Variants in TP53AIP1 observed in about 807,000 individuals in gnomAD.
TP53AIP1 encodes tumor protein p53 regulated apoptosis inducing protein 1.
Under a neutral mutation model 9.5 loss-of-function variants are expected in TP53AIP1, and 14 were observed. The observed-to-expected ratio is 1.47, with a 90% CI of 0.97 to 2.30. TP53AIP1 has a LOEUF of 2.30. Among genes scored for constraint, TP53AIP1 ranks in the 30% most tolerant of loss-of-function variants. The pLI, the probability that TP53AIP1 is intolerant of heterozygous loss-of-function variation, is 0.00. For missense variants in TP53AIP1, 153 were observed against 146.7 expected (o/e 1.04, Z -0.22); for synonymous variants, 73 against 61.2 (o/e 1.19, Z -0.90).
At chr11:128,935,040 C>T, downstream of TP53AIP1, 1 of 703,408 alleles carries the variant, frequency 1.4e-6, no homozygotes. Context: ...CAAGCTCTTA[C>T]TGCACTGAAA....
chr11:128,940,774 CG>C (rs1369570008), intron 1 of TP53AIP1, among the ~76,000 whole-genome samples: 1 of 152,218 alleles, frequency 6.6e-6, no homozygotes, highest in East Asian at 1.9e-4. Context: ...CATGCCACGG[CG>C]GCCACGCTGG....
At position 128,939,916 on chromosome 11, in the gene TP53AIP1, C is replaced by T. The variant is rs1240439134; in HGVS notation, c.-76-2022G>A. 2.6e-5 allele frequency among the ~76,000 whole-genome samples: 4 copies of T among 152,210 alleles called. No individual in the cohort carries two copies. Among genetic ancestry groups the T allele is most frequent in the Non-Finnish European group, 5.9e-5 (4 of 68,030 alleles). ...GCGTTAACACGAAGGAGGGTCCCAG[C>T]GGAGTTCATGCCGGGACTCAGGTTG... On this transcript the variant is annotated intron_variant, in intron 1 of 3. Coordinates refer to ENST00000531399, the MANE Select transcript of TP53AIP1 (RefSeq NM_022112.3). The surrounding 1 kb of genome is among the most constrained non-coding windows in gnomAD (Gnocchi z 4.1).
chr11:128,937,655 C>A lies in TP53AIP1; in HGVS notation c.141+23G>T. ...GGCTGTGGCAGGCAAAAGACCGTCT[C>A]GGTTTTCACTGCAGGGACTTACCCA... On this transcript the variant is annotated intron_variant, in intron 2 of 3. Transcript: ENST00000531399. The surrounding 1 kb of genome is among the most constrained non-coding windows in gnomAD (Gnocchi z 4.8). 1.9e-6 allele frequency: 3 copies of A among 1,614,156 alleles called. No homozygotes were observed. Among genetic ancestry groups the A allele is most frequent in the Non-Finnish European group, 2.5e-6 (3 of 1,180,028 alleles).
Position 128,935,510 on chromosome 11 carries a change from T to TTCTGTTTG in TP53AIP1, c.*73_*80dup, listed in dbSNP as rs113971914. On this transcript the variant is annotated 3_prime_UTR_variant, in exon 4 of 4. Coordinates refer to ENST00000531399, the MANE Select transcript of TP53AIP1 (RefSeq NM_022112.3). ...GCTGGAGCCATTTCTCGACGGTGCT[T>TTCTGTTTG]TCTGTTTGTTTGTTTGTTTTTGTTT... The TTCTGTTTG allele has an allele frequency of 0.011, 15,082 of 1,390,570 alleles. 139 individuals carry two copies. Among genetic ancestry groups the TTCTGTTTG allele is most frequent in the African/African-American group, 0.041 (2,504 of 61,564 alleles). 86.1% of individuals were successfully genotyped at this position (1,390,570 alleles called of 1,614,324 possible). A position where few individuals can be genotyped will look rare whatever the true frequency, so the allele number is the denominator to read the frequency against.
intron 3 of TP53AIP1, chr11:128,936,326 G>A (rs904242375): frequency 8.4e-5 from 114 of 1,355,486 alleles, no homozygotes; most frequent in Middle Eastern, 2.7e-4. Context: ...TAAGTGTACC[G>A]TTACCTTTTA....
At chr11:128,941,473 A>T (rs1485429970) in intron 1 of TP53AIP1, among the ~76,000 whole-genome samples, 2 of 152,194 alleles carry the variant, frequency 1.3e-5, no homozygotes, top group Admixed American at 6.5e-5. Context: ...GTGTGCAGTT[A>T]TAATGGGTTG....
chr11:128,934,975 T>C (rs1944781357), downstream of TP53AIP1: 2 of 702,784 alleles, frequency 2.8e-6, no homozygotes, highest in South Asian at 3.0e-5. Context: ...AGGGTTGCCC[T>C]GGGGCTTTCA....
downstream of TP53AIP1, chr11:128,934,991 C>T (rs1479119174): frequency 2.8e-6 from 2 of 702,950 alleles, no homozygotes; most frequent in Non-Finnish European, 5.2e-6. Context: ...TTTCAACTCC[C>T]AGAATTTCAG....
intron 3 of TP53AIP1, chr11:128,935,932 T>C: frequency 7.9e-7 from 1 of 1,261,224 alleles, no homozygotes; most frequent in Non-Finnish European, 1.0e-6. Flanking sequence ...AAATGTATCT[T>C]GGAATAAACA....
intron 3 of TP53AIP1, 161 bp from the exon 4 acceptor site, chr11:128,935,873 G>A: frequency 1.5e-6 from 2 of 1,318,196 alleles, no homozygotes; most frequent in Non-Finnish European, 1.9e-6. Flanking sequence ...TATCTCCCAA[G>A]ACAGGAAAAA....
Position 128,937,213 on chromosome 11 carries a change from A to G in TP53AIP1, c.141+465T>C. ...GCCACAGGAAACGACTTCTTGGAGT[A>G]AGTGACTGGTGCTCCGAGGCCCATC... is the stretch of plus-strand genomic sequence containing the variant. On this transcript the variant is annotated intron_variant, in intron 2 of 3. Coordinates refer to ENST00000531399, the MANE Select transcript of TP53AIP1 (RefSeq NM_022112.3). This position sits in a 1 kb window ranked among gnomAD's most constrained non-coding sequence, Gnocchi z 4.8. 1 of 1,207,806 alleles carries G rather than the reference A, an allele frequency of 8.3e-7. No homozygotes were observed. Among genetic ancestry groups the G allele is most frequent in the Non-Finnish European group, 1.0e-6 (1 of 969,822 alleles). The allele number at this position is 1,207,806 out of a possible 1,614,324, so 74.8% of individuals were successfully genotyped here.
chr11:128,941,664 TG>T (rs1944945093), intron 1 of TP53AIP1, among the ~76,000 whole-genome samples: 1 of 152,220 alleles, frequency 6.6e-6, no homozygotes, highest in Non-Finnish European at 1.5e-5. Context: ...GAGGGACACT[TG>T]GCCCTGTTCT....
chr11:128,935,240 G>T (rs984554626), downstream of TP53AIP1: 2 of 1,395,274 alleles, frequency 1.4e-6, no homozygotes, highest in South Asian at 1.5e-5. Context: ...TACTGGGAGT[G>T]CCCTCGGGCG....
At chr11:128,941,697 C>T (rs1217919512) in intron 1 of TP53AIP1, among the ~76,000 whole-genome samples, 1 of 152,230 alleles carries the variant, frequency 6.6e-6, no homozygotes, top group Non-Finnish European at 1.5e-5. Flanking sequence ...TAATTAGTCC[C>T]AGCCCAGGTT....
intron 1 of TP53AIP1, among the ~76,000 whole-genome samples, chr11:128,941,353 C>A (rs1412326661): frequency 1.3e-5 from 2 of 152,166 alleles, no homozygotes; most frequent in Non-Finnish European, 2.9e-5. Flanking sequence ...AGGAAGACCT[C>A]CCTAACCTCC....
chr11:128,938,392 G>C (rs1251638030), intron 1 of TP53AIP1, among the ~76,000 whole-genome samples: 1 of 152,142 alleles, frequency 6.6e-6, no homozygotes, highest in African/African-American at 2.4e-5. Flanking sequence ...ACGGATCAGA[G>C]CAGAACACAG....
intron 3 of TP53AIP1, 84 bp downstream of exon 3, chr11:128,936,454 T>G: frequency 3.4e-6 from 5 of 1,450,804 alleles, no homozygotes; most frequent in Non-Finnish European, 4.5e-6. Context: ...CCTATGTCGT[T>G]ACCTGGATTT....
At position 128,937,409 on chromosome 11, in the gene TP53AIP1, G is replaced by C; in HGVS notation, c.141+269C>G. On this transcript the variant is annotated intron_variant, in intron 2 of 3. Coordinates refer to ENST00000531399, the MANE Select transcript of TP53AIP1 (RefSeq NM_022112.3). This position sits in a 1 kb window ranked among gnomAD's most constrained non-coding sequence, Gnocchi z 4.8. ...TTCCTTCCAAAAGCCTTGTTTCTCA[G>C]AAAACCTTTCTGCCTCCTAGAAACC... 2.8e-6 allele frequency: 4 copies of C among 1,440,472 alleles called. No individual in the cohort carries two copies. In the Middle Eastern group the frequency reaches 6.1e-4, roughly 221 times the overall value. 89.2% of individuals were successfully genotyped at this position (1,440,472 alleles called of 1,614,324 possible).
In TP53AIP1 at chr11:128,937,840, G is replaced by A; in HGVS notation, c.-22C>T. 6.3e-7 allele frequency: 1 copy of A among 1,586,094 alleles called. No homozygotes were observed. The highest frequency in any genetic ancestry group is 8.6e-7 in the Non-Finnish European group (1 of 1,167,072). The stretch of plus-strand genomic sequence containing the variant: ...CCATCCAGGGGAGGCCCTGTCTGCA[G>A]AAAGCAGAGAACTTGGCTTCTCCTC... On this transcript the variant is annotated 5_prime_UTR_variant, in exon 2 of 4. Coordinates refer to ENST00000531399, the MANE Select transcript of TP53AIP1 (RefSeq NM_022112.3). This position sits in a 1 kb window ranked among gnomAD's most constrained non-coding sequence, Gnocchi z 4.8.
Sources: gnomAD v4.1 joint callset for allele counts (sites outside exome capture counted in the v4.1 genomes callset) on GRCh38, gnomAD v4.1.1 for gene constraint, Gnocchi (gnomAD v3.1) non-coding constraint, MANE v1.5 for transcripts, NCBI Gene and HGNC (gene_info 2026-07-23, HGNC 2026-07-21) for gene names.